The following UPP1 variants were observed in gnomAD, a reference collection of about 807,000 sequenced individuals.
UPP1 encodes the protein uridine phosphorylase 1.
A neutral mutation model predicts 29.6 loss-of-function variants in UPP1; 25 were observed. The observed-to-expected ratio is 0.85, with a 90% CI of 0.62 to 1.18. UPP1 has a LOEUF of 1.18. Ranked by LOEUF, UPP1 falls within the 50% of genes most tolerant of loss-of-function variation. UPP1 has a pLI of 0.00. For synonymous variants in UPP1, 165 were observed against 159.8 expected (o/e 1.03, Z -0.25); for missense variants, 368 against 410.4 (o/e 0.90, Z 0.89).
chr7:48,090,690 C>G (rs1247383752), intron 2 of UPP1, among the ~76,000 whole-genome samples: 1 of 152,202 alleles, frequency 6.6e-6, no homozygotes, highest in Non-Finnish European at 1.5e-5. Context: ...ATTCCCAGGG[C>G]AGGCCTTTGT....
At chr7:48,101,572 A>C (rs897172093) in intron 4 of UPP1, among the ~76,000 whole-genome samples, 1 of 152,098 alleles carries the variant, frequency 6.6e-6, no homozygotes, top group African/African-American at 2.4e-5. Context: ...CAGAGAGAGC[A>C]AGGGTCTGGA....
chr7:48,099,680 G>T lies in UPP1; in HGVS notation c.55G>T (p.Val19Phe), dbSNP rs187713099. ...CTTGTTTTTTAACAGTGATTGCCCC[G>T]TCAGACTTTTAAATCCAAACATAGC... ...EKAESHNDCP[V>F]RLLNPNIAKM... The change falls in exon 4 of 9, where the codon GTC becomes TTC. Residue 19 changes from valine (V) to phenylalanine (F), a missense_variant. Coordinates refer to ENST00000395564, the MANE Select transcript of UPP1 (RefSeq NM_003364.4). 3 of 1,611,208 alleles carry T rather than the reference G, an allele frequency of 1.9e-6. No individual in the cohort carries two copies. Among genetic ancestry groups the T allele is most frequent in the Non-Finnish European group, 8.5e-7 (1 of 1,177,604 alleles).
At chr7:48,098,697 G>T (rs1362745889) in intron 3 of UPP1, among the ~76,000 whole-genome samples, 1 of 152,122 alleles carries the variant, frequency 6.6e-6, no homozygotes, top group African/African-American at 2.4e-5. Context: ...CATGACCACG[G>T]GGTTCAGGGC....
intron 4 of UPP1, among the ~76,000 whole-genome samples, chr7:48,100,427 T>C (rs966172368): frequency 2.6e-5 from 4 of 152,236 alleles, no homozygotes; most frequent in African/African-American, 7.2e-5. Flanking sequence ...TGTAAAAATT[T>C]CCTAGGGAAG....
At position 48,094,797 on chromosome 7, in the gene UPP1, G is replaced by T; in HGVS notation, c.14G>T (p.Gly5Val). The part of the protein sequence containing the change: MAAT[G>V]ANAEKAESHN... ...TCAGTTGGCGGAATGGCGGCCACGG[G>T]AGCCAATGCAGAGAAAGCTGAAAGT... The change falls in exon 3 of 9, where the codon GGA (glycine) becomes GTA (valine). Residue 5 changes from glycine (G) to valine (V), a missense_variant. Physicochemically the swap from Gly to Val is moderately radical, Grantham distance 109. Transcript: ENST00000395564. 1 of 1,613,834 alleles carries T rather than the reference G, an allele frequency of 6.2e-7. No homozygotes were observed. The highest frequency in any genetic ancestry group is 8.5e-7 in the Non-Finnish European group (1 of 1,179,822).
Position 48,092,564 on chromosome 7 carries a change from T to C in UPP1, c.-21-2199T>C, listed in dbSNP as rs1014279877. On this transcript the variant is annotated intron_variant, in intron 2 of 8. Coordinates refer to ENST00000395564, the MANE Select transcript of UPP1 (RefSeq NM_003364.4). ...AAAACTCATTCCCTTCACACTGGTGTTGTGACTCATGCCTGTAATTCCAGC... is the reference window on the plus strand; with the variant it reads ...AAAACTCATTCCCTTCACACTGGTGCTGTGACTCATGCCTGTAATTCCAGC... Among the ~76,000 whole-genome samples the C allele has an allele frequency of 2.0e-5, 3 of 152,100 alleles. No homozygotes were observed. The East Asian group carries it at 5.8e-4, about 29-fold the overall frequency.
At chr7:48,092,180 T>A (rs1009983442) in intron 2 of UPP1, among the ~76,000 whole-genome samples, 4 of 151,846 alleles carry the variant, frequency 2.6e-5, no homozygotes, top group Non-Finnish European at 5.9e-5. Context: ...GGGGGCAGAG[T>A]TTTAGGGGAG....
intron 6 of UPP1, chr7:48,106,079 C>T (rs572326054): frequency 1.3e-5 from 2 of 152,374 alleles, no homozygotes; most frequent in East Asian, 1.9e-4. Flanking sequence ...TTGGTCATAG[C>T]TCACCTGGGT....
At chr7:48,102,093 G>T (rs1195570921) in intron 5 of UPP1, 111 bp downstream of exon 5, 3 of 1,268,316 alleles carry the variant, frequency 2.4e-6, no homozygotes, top group Admixed American at 2.6e-5. Flanking sequence ...ACTGTAAATG[G>T]CTGGGAGCAG....
At position 48,107,407 on chromosome 7, in the gene UPP1, C is replaced by CA; in HGVS notation, c.695dup (p.Gln233AlafsTer95). 6.2e-7 allele frequency: 1 copy of CA among 1,614,190 alleles called. No individual in the cohort carries two copies. Among genetic ancestry groups the CA allele is most frequent in the Non-Finnish European group, 8.5e-7 (1 of 1,180,024 alleles). The stretch of plus-strand genomic sequence containing the variant: ...CTCTCTGCTCCTACACGGAGAAGGA[C>CA]AAGCAGGCGTATCTGGAGGCAGCCT... On this transcript the variant is annotated frameshift_variant, in exon 8 of 9. Coordinates refer to ENST00000395564, the MANE Select transcript of UPP1 (RefSeq NM_003364.4). LOFTEE classifies it high-confidence loss of function.
Position 48,107,518 on chromosome 7 carries a change from C to T in UPP1, c.793+11C>T, listed in dbSNP as rs959786485. On this transcript the variant is annotated intron_variant, in intron 8 of 8. Coordinates refer to ENST00000395564, the MANE Select transcript of UPP1 (RefSeq NM_003364.4). ...CCTGCGGCCTCCAAGGTAAGCGGCA[C>T]TTGATGGGCCTCGGCGTCCCCTCCT... 1.9e-6 allele frequency: 3 copies of T among 1,596,386 alleles called. No individual in the cohort carries two copies. The highest frequency in any genetic ancestry group is 1.3e-5 in the African/African-American group (1 of 74,588).
At chr7:48,107,248 A>G (rs1792806807) in intron 7 of UPP1, 113 bp from the exon 8 acceptor site, 1 of 1,448,218 alleles carries the variant, frequency 6.9e-7, no homozygotes, top group African/African-American at 1.4e-5. Context: ...CATTATAGGC[A>G]GGACCTGGAT....
At chr7:48,107,824 T>A (rs1792849315) in intron 8 of UPP1, among the ~76,000 whole-genome samples, 2 of 152,288 alleles carry the variant, frequency 1.3e-5, no homozygotes, top group South Asian at 4.1e-4. Context: ...CTTTCTGAAT[T>A]GTGGTTCATC....
At chr7:48,093,688 C>T (rs896748152) in intron 2 of UPP1, among the ~76,000 whole-genome samples, 5 of 152,196 alleles carry the variant, frequency 3.3e-5, no homozygotes, top group Admixed American at 6.5e-5. Flanking sequence ...AGGTACGCCA[C>T]GTTTTTCCTT....
chr7:48,094,270 T>C (rs1443959613), intron 2 of UPP1, among the ~76,000 whole-genome samples: 1 of 152,026 alleles, frequency 6.6e-6, no homozygotes, highest in East Asian at 1.9e-4. Flanking sequence ...TGTTTTGTTT[T>C]TTGAGACGGA....
intron 2 of UPP1, 150 bp from the exon 3 acceptor site, chr7:48,094,613 G>C (rs562275004): frequency 2.2e-5 from 15 of 673,808 alleles, no homozygotes; most frequent in East Asian, 8.2e-5. Context: ...CTCTCTCTCT[G>C]TTTCTATTTC....
At chr7:48,091,478 A>T (rs1429644395) in intron 2 of UPP1, among the ~76,000 whole-genome samples, 1 of 152,234 alleles carries the variant, frequency 6.6e-6, no homozygotes, top group African/African-American at 2.4e-5. Flanking sequence ...AGCGAAGAGC[A>T]TGGCTTTCTA....
At chr7:48,091,870 G>A (rs1226830492) in intron 2 of UPP1, among the ~76,000 whole-genome samples, 5 of 152,356 alleles carry the variant, frequency 3.3e-5, no homozygotes, top group Non-Finnish European at 7.3e-5. Context: ...CTCTGCTGAT[G>A]TGGCCTTGGT....
Position 48,101,998 on chromosome 7 carries a change from C to G in UPP1, c.321+16C>G, listed in dbSNP as rs1352049884. On this transcript the variant is annotated intron_variant, in intron 5 of 8. Coordinates refer to ENST00000395564, the MANE Select transcript of UPP1 (RefSeq NM_003364.4). ...GTCTGTCAGTGTGAGTACCTGCCTT[C>G]CCTTGTGCTCAGTCTCTAGGCTCTG... 1 of 1,610,440 alleles carries G rather than the reference C, an allele frequency of 6.2e-7. No individual in the cohort carries two copies. Among genetic ancestry groups the G allele is most frequent in the Admixed American group, 1.7e-5 (1 of 59,770 alleles).
Sources: allele counts gnomAD v4.1 joint callset (sites outside exome capture counted in the v4.1 genomes callset), GRCh38; gene constraint gnomAD v4.1.1; transcripts MANE v1.5; gene names NCBI Gene and HGNC (gene_info 2026-07-23, HGNC 2026-07-21).